The following CDKAL1 variants were observed in gnomAD, a reference collection of about 807,000 sequenced individuals.
CDKAL1 encodes the protein threonylcarbamoyladenosine tRNA methylthiotransferase.
In CDKAL1, 32 loss-of-function variants were observed where a neutral mutation model predicts 68.2. The ratio of observed to expected loss-of-function variants is 0.47; its 90% CI spans 0.35 to 0.63. CDKAL1 has a LOEUF of 0.63. CDKAL1 is among the 30% of genes least tolerant of loss of function. The pLI is 0.00. For synonymous variants in CDKAL1, 234 were observed against 244.3 expected, an observed-to-expected ratio of 0.96 and a Z score of 0.39; for missense variants, 606 against 696.7, an observed-to-expected ratio of 0.87 and a Z score of 1.47.
At chr6:20,954,775 A>G (rs1207631313) in intron 9 of CDKAL1, among the ~76,000 whole-genome samples, 3 of 152,240 alleles carry the variant, frequency 2.0e-5, no homozygotes, top group Non-Finnish European at 2.9e-5. Flanking sequence ...ACATTTTCCT[A>G]AAGTCTGATT....
At chr6:21,054,894 C>G (rs1326057414) in intron 11 of CDKAL1, among the ~76,000 whole-genome samples, 1 of 145,818 alleles carries the variant, frequency 6.9e-6, no homozygotes, top group East Asian at 2.0e-4. Flanking sequence ...GGTCATGTCA[C>G]CTGCCCAAAA....
At chr6:20,778,942 C>T (rs974678864) in intron 7 of CDKAL1, among the ~76,000 whole-genome samples, 1 of 152,104 alleles carries the variant, frequency 6.6e-6, no homozygotes, top group Non-Finnish European at 1.5e-5. Flanking sequence ...TCAAAATATC[C>T]GTGTACCTTG....
intron 9 of CDKAL1, among the ~76,000 whole-genome samples, chr6:20,867,326 AC>A (rs1411517230): frequency 1.3e-5 from 2 of 152,328 alleles, no homozygotes; most frequent in East Asian, 3.9e-4. Flanking sequence ...AGATTTATAG[AC>A]AATAAGGATC....
At chr6:21,075,898 T>G (rs1008380845) in intron 12 of CDKAL1, among the ~76,000 whole-genome samples, 14 of 152,204 alleles carry the variant, frequency 9.2e-5, no homozygotes, top group Non-Finnish European at 1.8e-4. Context: ...TTAGGAGTCT[T>G]ATGACTTGAA....
rs142137297 is a variant in CDKAL1, at chr6:21,226,996, C to T, written c.1549-3852C>T. Among the ~76,000 whole-genome samples, 535 of 152,326 alleles carry T rather than the reference C, an allele frequency of 3.5e-3. 1 individual carries two copies. The highest frequency in any genetic ancestry group is 7.0e-3 in the Admixed American group (107 of 15,304). ...TGCTGGGATTGTAGGCGTGAGCCAC[C>T]GCACCCAGCCCCAGTTTGTTTTAAT... On this transcript the variant is annotated intron_variant, in intron 15 of 15. Transcript: ENST00000274695.
intron 13 of CDKAL1, among the ~76,000 whole-genome samples, chr6:21,158,949 A>C (rs955468033): frequency 1.3e-5 from 2 of 152,180 alleles, no homozygotes. Context: ...ATAATTATAC[A>C]TGATGTAGCT....
chr6:21,170,952 T>A (rs1777359821), intron 13 of CDKAL1, among the ~76,000 whole-genome samples: 1 of 152,218 alleles, frequency 6.6e-6, no homozygotes, highest in Non-Finnish European at 1.5e-5. Context: ...AGTAATATTG[T>A]CACCATCACC....
chr6:20,716,949 A>G (rs1488121953), intron 5 of CDKAL1, among the ~76,000 whole-genome samples: 1 of 151,972 alleles, frequency 6.6e-6, no homozygotes, highest in Non-Finnish European at 1.5e-5. Context: ...GAGGTGGAGG[A>G]AGTCGGGGGA....
chr6:20,846,585 G>T (rs1021577317), intron 9 of CDKAL1, among the ~76,000 whole-genome samples: 1 of 152,136 alleles, frequency 6.6e-6, no homozygotes, highest in African/African-American at 2.4e-5. Flanking sequence ...GCTAATTAGG[G>T]TTTGTAGACG....
Position 21,140,999 on chromosome 6 carries a change from C to T in CDKAL1, c.1299+32536C>T, listed in dbSNP as rs145253159. On this transcript the variant is annotated intron_variant, in intron 13 of 15. Transcript: ENST00000274695. ...ATCTCATGAGACTTATTCACTATCA[C>T]GAGAATAGCACGGGAAAGACCAGCA... Among the ~76,000 whole-genome samples, 282 of 152,250 alleles carry T rather than the reference C, an allele frequency of 1.9e-3. 2 individuals carry two copies. Among genetic ancestry groups the T allele is most frequent in the South Asian group, 5.0e-3 (24 of 4,818 alleles).
Position 20,739,605 on chromosome 6 carries a change from G to A in CDKAL1, c.458G>A (p.Ser153Asn). The A allele has an allele frequency of 6.2e-7, 1 of 1,603,164 alleles. No homozygotes were observed. The highest frequency in any genetic ancestry group is 1.1e-5 in the South Asian group (1 of 90,628). Residue 153 changes from serine (S) to asparagine (N), a missense_variant, in exon 6 of 16, where the codon AGT becomes AAT. Transcript: ENST00000274695. Reference sequence around the variant, plus strand: ...CGCCAGGACTACCTTAAGGGACTGAGTATCATTGGGGTAAGCTTGTACCTG... The same window carrying A: ...CGCCAGGACTACCTTAAGGGACTGAATATCATTGGGGTAAGCTTGTACCTG... ...QPRQDYLKGL[S>N]IIGVQQIDRV...
At chr6:20,702,236 C>G (rs796502459) in intron 5 of CDKAL1, among the ~76,000 whole-genome samples, 1 of 152,106 alleles carries the variant, frequency 6.6e-6, no homozygotes, top group Non-Finnish European at 1.5e-5. Context: ...ACGGGCAGGT[C>G]GTGGGGCTCT....
chr6:20,842,424 C>CA lies in CDKAL1; in HGVS notation c.639-3644dup, dbSNP rs200230449. On this transcript the variant is annotated intron_variant, in intron 8 of 15. Coordinates refer to ENST00000274695, the MANE Select transcript of CDKAL1 (RefSeq NM_017774.3). ...AATTAAAAATAAACATACAAGCAGT[C>CA]AAAAAAATGTGCTCTTAAGAAATTT... 6.8e-3 allele frequency among the ~76,000 whole-genome samples: 1,036 copies of CA among 152,020 alleles called. 5 individuals carry two copies. The highest frequency in any genetic ancestry group is 0.024 in the African/African-American group (983 of 41,460).
intron 4 of CDKAL1, among the ~76,000 whole-genome samples, chr6:20,567,849 G>T (rs1764521547): frequency 6.6e-6 from 1 of 151,950 alleles, no homozygotes; most frequent in South Asian, 2.1e-4. Context: ...GAGTAGCTGG[G>T]ACTACAGGTG....
rs554786015 is a variant in CDKAL1, at chr6:20,945,594, G to A, written c.743-9825G>A. Among the ~76,000 whole-genome samples, 58 of 152,186 alleles carry A rather than the reference G, an allele frequency of 3.8e-4. 1 individual carries two copies. The highest frequency in any genetic ancestry group is 1.9e-3 in the Admixed American group (29 of 15,294). The stretch of plus-strand genomic sequence containing the variant: ...CTGAAGCCAAAGCAGTGGTTCAAAC[G>A]TTAAGACTCTGAGTTTGTGGCAAGT... On this transcript the variant is annotated intron_variant, in intron 9 of 15. Coordinates refer to ENST00000274695, the MANE Select transcript of CDKAL1 (RefSeq NM_017774.3).
intron 10 of CDKAL1, among the ~76,000 whole-genome samples, chr6:20,955,798 A>G (rs752431775): frequency 2.4e-4 from 36 of 152,042 alleles, no homozygotes; most frequent in Non-Finnish European, 3.8e-4. Context: ...ACATTGCCCA[A>G]ATTTTTCAAT....
chr6:20,766,568 T>G (rs533680761), intron 7 of CDKAL1, among the ~76,000 whole-genome samples: 2 of 152,322 alleles, frequency 1.3e-5, no homozygotes, highest in South Asian at 4.1e-4. Flanking sequence ...ACTTACACAT[T>G]AACTCTTGTG....
chr6:20,775,192 A>G (rs1286309840), intron 7 of CDKAL1, among the ~76,000 whole-genome samples: 2 of 152,130 alleles, frequency 1.3e-5, no homozygotes, highest in African/African-American at 4.8e-5. Flanking sequence ...GCCTCATGTC[A>G]TTATCAGTTG....
At chr6:20,659,204 C>T (rs1769170680) in intron 5 of CDKAL1, among the ~76,000 whole-genome samples, 1 of 151,878 alleles carries the variant, frequency 6.6e-6, no homozygotes, top group Non-Finnish European at 1.5e-5. Context: ...TTTGATTTGG[C>T]CTTTTGTGAG....
Sources: gnomAD v4.1 joint callset for allele counts (sites outside exome capture counted in the v4.1 genomes callset) on GRCh38, gnomAD v4.1.1 for gene constraint, MANE v1.5 for transcripts, NCBI Gene and HGNC (gene_info 2026-07-23, HGNC 2026-07-21) for gene names.